CPNE4: variants seen among roughly 807,000 people sequenced by gnomAD.
CPNE4 encodes the protein copine 4.
A neutral mutation model predicts 67.9 loss-of-function variants in CPNE4; 25 were observed. The ratio of observed to expected loss-of-function variants is 0.37; its 90% CI spans 0.27 to 0.51. The LOEUF is 0.51. CPNE4 is among the 20% of genes least tolerant of loss of function. CPNE4 has a pLI of 0.93. For synonymous variants in CPNE4, 242 were observed against 244.9 expected, an observed-to-expected ratio of 0.99 and a Z score of 0.11; for missense variants, 464 against 690.8, an observed-to-expected ratio of 0.67 and a Z score of 3.68.
intron 14 of CPNE4, 23 bp from the exon 15 acceptor site, chr3:131,542,816 G>C: frequency 7.3e-7 from 1 of 1,364,754 alleles, no homozygotes; most frequent in Non-Finnish European, 9.7e-7. Flanking sequence ...GCCCCATGAT[G>C]ATGGGGGGGG....
At chr3:131,580,329 A>G (rs1024234289) in intron 9 of CPNE4, among the ~76,000 whole-genome samples, 1 of 152,166 alleles carries the variant, frequency 6.6e-6, no homozygotes, top group Non-Finnish European at 1.5e-5. Context: ...AAGAATGTGT[A>G]TGACTTGCTT....
chr3:131,953,249 A>AATAAAT lies in CPNE4; in HGVS notation c.-1-47806_-1-47805insATTTAT, dbSNP rs1553813398. Among the ~76,000 whole-genome samples, 110 of 141,148 alleles carry AATAAAT rather than the reference A, an allele frequency of 7.8e-4. 1 individual carries two copies. Among genetic ancestry groups the AATAAAT allele is most frequent in the East Asian group, 2.2e-3 (11 of 4,902 alleles). 92.6% of individuals were successfully genotyped at this position (141,148 alleles called of 152,430 possible). A position where few individuals can be genotyped will look rare whatever the true frequency, so the allele number is the denominator to read the frequency against. ...CCAAGAATGATCAATTAAAAAAAAA[A>AATAAAT]AAAAAAAAAAAAAAAAAGAATGGTG... On this transcript the variant is annotated intron_variant, in intron 1 of 15. Coordinates refer to ENST00000429747, the MANE Select transcript of CPNE4 (RefSeq NM_130808.3).
chr3:131,708,090 T>TAGAC (rs1480896510), intron 3 of CPNE4, among the ~76,000 whole-genome samples: 1 of 18,754 alleles, frequency 5.3e-5, no homozygotes, highest in Non-Finnish European at 2.4e-4. Flanking sequence ...CCTATTGGCT[T>TAGAC]AGGGGTCCTG....
chr3:131,940,835 C>T (rs180986505), intron 1 of CPNE4, among the ~76,000 whole-genome samples: 1 of 151,914 alleles, frequency 6.6e-6, no homozygotes, highest in Non-Finnish European at 1.5e-5. Context: ...TCTATATATT[C>T]AAGCTGACCC....
At chr3:131,986,171 A>G (rs922647196) in intron 1 of CPNE4, among the ~76,000 whole-genome samples, 1 of 145,986 alleles carries the variant, frequency 6.8e-6, no homozygotes, top group Admixed American at 7.4e-5. Context: ...TCTCCTTAGC[A>G]GTATTTACCT....
At chr3:131,978,178 TATATATAATATATTTATAA>T (rs2072742942) in intron 1 of CPNE4, among the ~76,000 whole-genome samples, 1 of 62,548 alleles carries the variant, frequency 1.6e-5, no homozygotes, top group Non-Finnish European at 2.5e-5. Context: ...AATATGTAAA[TATATATAATATATTTATAA>T]TTATTATATA....
At chr3:132,021,377 A>G (rs191412963) in intron 1 of CPNE4, among the ~76,000 whole-genome samples, 1 of 151,682 alleles carries the variant, frequency 6.6e-6, no homozygotes, top group East Asian at 2.0e-4. Context: ...CATATTTCAG[A>G]ATAATAGTCC....
intron 1 of CPNE4, among the ~76,000 whole-genome samples, chr3:131,983,190 T>G (rs535396346): frequency 2.0e-5 from 3 of 152,280 alleles, no homozygotes; most frequent in African/African-American, 7.2e-5. Flanking sequence ...TCTTAGTAGT[T>G]AACTTAGATT....
At chr3:131,739,553 C>CT (rs1436600309) in intron 2 of CPNE4, among the ~76,000 whole-genome samples, 2 of 152,154 alleles carry the variant, frequency 1.3e-5, no homozygotes, top group Non-Finnish European at 2.9e-5. Flanking sequence ...CCTGGGTAAC[C>CT]TTAAAACAAT....
intron 11 of CPNE4, among the ~76,000 whole-genome samples, chr3:131,563,886 A>G (rs1668620242): frequency 6.6e-6 from 1 of 152,066 alleles, no homozygotes; most frequent in Non-Finnish European, 1.5e-5. Context: ...TTAAATGCAG[A>G]TTCAAATTCA....
chr3:131,968,402 G>C (rs1461189900), intron 1 of CPNE4, among the ~76,000 whole-genome samples: 1 of 152,092 alleles, frequency 6.6e-6, no homozygotes, highest in African/African-American at 2.4e-5. Flanking sequence ...AAAAGAAACT[G>C]TCATCACAGT....
At chr3:131,737,839 T>TA (rs796616358) in intron 2 of CPNE4, among the ~76,000 whole-genome samples, 35 of 150,494 alleles carry the variant, frequency 2.3e-4, no homozygotes, top group East Asian at 1.2e-3. Context: ...TAGAGGACTT[T>TA]AAAAAAAAAA....
upstream of CPNE4, among the ~76,000 whole-genome samples, chr3:132,038,420 T>A (rs905143663): frequency 6.6e-6 from 1 of 152,204 alleles, no homozygotes; most frequent in Non-Finnish European, 1.5e-5. Context: ...CAGTTTATAC[T>A]TCTGTCTACC....
intron 1 of CPNE4, among the ~76,000 whole-genome samples, chr3:131,988,347 T>C (rs1183866969): frequency 6.6e-6 from 1 of 152,108 alleles, no homozygotes; most frequent in Admixed American, 6.5e-5. Flanking sequence ...TTAAGAGCAA[T>C]GGGAAGCCTT....
chr3:131,945,350 A>G (rs1381077), intron 1 of CPNE4, among the ~76,000 whole-genome samples: 25,487 of 152,108 alleles, frequency 0.17, 2,543 homozygotes, highest in African/African-American at 0.29. Flanking sequence ...AAGAGAACCT[A>G]TTGGCAAAAG....
chr3:131,538,244 T>TGAG (rs1935278739), intron 15 of CPNE4, among the ~76,000 whole-genome samples: 3 of 152,366 alleles, frequency 2.0e-5, no homozygotes, highest in Admixed American at 1.3e-4. Flanking sequence ...ACGCAACTAT[T>TGAG]GAGTCCTTGA....
At chr3:131,627,566 T>C (rs1224942333) in intron 7 of CPNE4, among the ~76,000 whole-genome samples, 1 of 152,234 alleles carries the variant, frequency 6.6e-6, no homozygotes, top group East Asian at 1.9e-4. Flanking sequence ...CTGCTATAGA[T>C]AGTGCTCTGA....
chr3:131,683,487 T>C (rs1463697240), intron 6 of CPNE4, among the ~76,000 whole-genome samples: 3 of 152,162 alleles, frequency 2.0e-5, no homozygotes, highest in Non-Finnish European at 4.4e-5. Flanking sequence ...GTGGCTGAGA[T>C]GGTATCCAAG....
chr3:131,958,609 C>CTTTTTTT lies in CPNE4; in HGVS notation c.-1-53172_-1-53166dup, dbSNP rs748126986. 6.9e-3 allele frequency among the ~76,000 whole-genome samples: 661 copies of CTTTTTTT among 95,852 alleles called. 62 individuals carry two copies. Among genetic ancestry groups the CTTTTTTT allele is most frequent in the African/African-American group, 0.018 (367 of 19,992 alleles). 62.9% of individuals were successfully genotyped at this position (95,852 alleles called of 152,430 possible). A position where few individuals can be genotyped will look rare whatever the true frequency, so the allele number is the denominator to read the frequency against. ...CAATTGATACACCTTTCTTTCTTTT[C>CTTTTTTT]TTTTTTTTTTTTTTTTTTTTTTTTT... On this transcript the variant is annotated intron_variant, in intron 1 of 15. Transcript: ENST00000429747.
Sources: gnomAD v4.1 joint callset for allele counts (sites outside exome capture counted in the v4.1 genomes callset) on GRCh38, gnomAD v4.1.1 for gene constraint, MANE v1.5 for transcripts, NCBI Gene and HGNC (gene_info 2026-07-23, HGNC 2026-07-21) for gene names.